The following PRSS12 variants were observed in gnomAD, a reference collection of about 807,000 sequenced individuals.
The protein encoded by PRSS12 is neurotrypsin.
In PRSS12, 85 loss-of-function variants were observed where a neutral mutation model predicts 104.4. The ratio of observed to expected loss-of-function variants is 0.81; its 90% CI spans 0.68 to 0.98. The LOEUF (loss-of-function observed/expected upper bound fraction) is 0.98, where lower values mean the gene tolerates loss of function less well. Among genes scored for constraint, PRSS12 ranks in the 50% least tolerant of loss-of-function variants. The pLI is 0.00. For missense variants in PRSS12, 1,141 were observed against 1,139.2 expected, an observed-to-expected ratio of 1.00 and a Z score of -0.02; for synonymous variants, 454 against 425.2, an observed-to-expected ratio of 1.07 and a Z score of -0.83.
intron 4 of PRSS12, among the ~76,000 whole-genome samples, chr4:118,324,560 G>A (rs566527637): frequency 1.6e-4 from 24 of 152,074 alleles, no homozygotes; most frequent in Non-Finnish European, 1.2e-4. Flanking sequence ...CAAAAGTTCT[G>A]GTTAATTGCC....
intron 11 of PRSS12, among the ~76,000 whole-genome samples, chr4:118,285,778 A>C (rs1369879595): frequency 6.6e-6 from 1 of 152,128 alleles, no homozygotes; most frequent in Non-Finnish European, 1.5e-5. Flanking sequence ...TAAATATATT[A>C]TTTAAAGTAC....
At chr4:118,331,931 A>T in intron 3 of PRSS12, 65 bp from the exon 4 acceptor site, 2 of 1,595,196 alleles carry the variant, frequency 1.3e-6, no homozygotes, top group Admixed American at 1.7e-5. Flanking sequence ...AAGATTAGGT[A>T]TATTCTATAT....
At position 118,352,409 on chromosome 4, in the gene PRSS12, G is replaced by A; in HGVS notation, c.312C>T (p.Asp104=). The A allele has an allele frequency of 6.5e-7, 1 of 1,537,302 alleles. No homozygotes were observed. The highest frequency in any genetic ancestry group is 8.7e-7 in the Non-Finnish European group (1 of 1,146,230). ...CCCACCGCAGACACGGGGCGCCGAAGTCCGTCACGCTGACCCATGGCTCGC... is the reference window on the plus strand; with the variant it reads ...CCCACCGCAGACACGGGGCGCCGAAATCCGTCACGCTGACCCATGGCTCGC... ...PAGEPWVSVT[D]FGAPCLRWAE... is the part of the protein sequence containing the mutation. The change falls in exon 1 of 13, where the codon GAC becomes GAT. Residue 104 remains aspartate, a synonymous_variant. Transcript: ENST00000296498.
intron 7 of PRSS12, among the ~76,000 whole-genome samples, chr4:118,309,117 T>C (rs1423910811): frequency 6.6e-6 from 1 of 151,352 alleles, no homozygotes; most frequent in East Asian, 1.9e-4. Context: ...AAAAAAGCAG[T>C]AAATAGGGAC....
intron 10 of PRSS12, among the ~76,000 whole-genome samples, chr4:118,295,574 C>T (rs1406857470): frequency 6.6e-6 from 1 of 152,154 alleles, no homozygotes; most frequent in African/African-American, 2.4e-5. Flanking sequence ...CATCTAATCT[C>T]TTAAATCAGG....
intron 11 of PRSS12, among the ~76,000 whole-genome samples, chr4:118,285,036 T>C (rs893917341): frequency 6.6e-6 from 1 of 152,160 alleles, no homozygotes; most frequent in African/African-American, 2.4e-5. Context: ...AATATTCTAA[T>C]CCTTAAGTAG....
chr4:118,335,610 C>T lies in PRSS12; in HGVS notation c.683G>A (p.Gly228Asp). 1 of 1,613,944 alleles carries T rather than the reference C, an allele frequency of 6.2e-7. No individual in the cohort carries two copies. The highest frequency in any genetic ancestry group is 8.5e-7 in the Non-Finnish European group (1 of 1,179,936). ...IAKQTPFSGL[G>D]LIPIYWSNVR... Reference sequence around the variant, plus strand: ...ATTGCTCCAATAAATGGGAATAAGGCCCAGTCCAGAAAACGGGGTTTGTTT... The same window carrying T: ...ATTGCTCCAATAAATGGGAATAAGGTCCAGTCCAGAAAACGGGGTTTGTTT... Residue 228 changes from glycine (G) to aspartate (D), a missense_variant, in exon 3 of 13, where the codon GGC becomes GAC. Coordinates refer to ENST00000296498, the MANE Select transcript of PRSS12 (RefSeq NM_003619.4).
chr4:118,333,646 C>A (rs541034093), intron 3 of PRSS12, among the ~76,000 whole-genome samples: 2 of 152,232 alleles, frequency 1.3e-5, no homozygotes, highest in South Asian at 4.2e-4. Context: ...TTTTTCCCCA[C>A]CTGTTAAGCT....
At chr4:118,324,139 A>C (rs537814841) in intron 4 of PRSS12, among the ~76,000 whole-genome samples, 1 of 152,028 alleles carries the variant, frequency 6.6e-6, no homozygotes, top group Admixed American at 6.6e-5. Flanking sequence ...AACTCAAGCA[A>C]TCTGCCCACC....
chr4:118,337,957 C>T (rs566575401), intron 2 of PRSS12, among the ~76,000 whole-genome samples: 1 of 152,242 alleles, frequency 6.6e-6, no homozygotes, highest in East Asian at 1.9e-4. Context: ...TGCCCATTTT[C>T]CTAGTTCAGC....
At chr4:118,338,740 T>A (rs868719389) in intron 1 of PRSS12, among the ~76,000 whole-genome samples, 1 of 152,182 alleles carries the variant, frequency 6.6e-6, no homozygotes, top group Non-Finnish European at 1.5e-5. Flanking sequence ...CATGAGGTCA[T>A]CAATAAGAAA....
intron 7 of PRSS12, among the ~76,000 whole-genome samples, chr4:118,310,046 T>C (rs1743666806): frequency 6.6e-6 from 1 of 152,208 alleles, no homozygotes; most frequent in African/African-American, 2.4e-5. Flanking sequence ...GCCAACTCTA[T>C]GTATGCACTG....
chr4:118,332,272 A>G (rs13101451), intron 3 of PRSS12, among the ~76,000 whole-genome samples: 11,497 of 152,272 alleles, frequency 0.076, 603 homozygotes, highest in Non-Finnish European at 0.11. Flanking sequence ...ACTTATGTCT[A>G]TAACATACTT....
At chr4:118,325,238 C>T (rs78400045) in intron 4 of PRSS12, among the ~76,000 whole-genome samples, 19 of 150,738 alleles carry the variant, frequency 1.3e-4, no homozygotes, top group Admixed American at 5.9e-4. Context: ...CAGGCTACTG[C>T]GGGATGAGAG....
intron 1 of PRSS12, among the ~76,000 whole-genome samples, chr4:118,349,921 T>C (rs1459627555): frequency 2.0e-5 from 3 of 152,110 alleles, no homozygotes; most frequent in African/African-American, 7.2e-5. Flanking sequence ...GAGAATCGCT[T>C]GAACCAGGGA....
intron 3 of PRSS12, among the ~76,000 whole-genome samples, chr4:118,334,122 A>C (rs1247405672): frequency 6.6e-6 from 1 of 152,196 alleles, no homozygotes; most frequent in Non-Finnish European, 1.5e-5. Flanking sequence ...CGCTGATTTC[A>C]GCTATACAAC....
intron 1 of PRSS12, among the ~76,000 whole-genome samples, chr4:118,346,267 T>C (rs1002296583): frequency 6.6e-6 from 1 of 152,096 alleles, no homozygotes; most frequent in Non-Finnish European, 1.5e-5. Context: ...AGCCTCCTTA[T>C]TGTTTCCGTT....
At chr4:118,329,549 T>C (rs1723865770) in intron 4 of PRSS12, among the ~76,000 whole-genome samples, 3 of 152,302 alleles carry the variant, frequency 2.0e-5, no homozygotes, top group South Asian at 4.1e-4. Flanking sequence ...TAGAAGTTCA[T>C]AGATACAGCT....
intron 11 of PRSS12, among the ~76,000 whole-genome samples, chr4:118,288,862 G>A (rs1309699165): frequency 1.3e-5 from 2 of 152,144 alleles, no homozygotes; most frequent in African/African-American, 4.8e-5. Context: ...TTGCCAACAG[G>A]CTACTGCATT....
Sources: allele counts gnomAD v4.1 joint callset (sites outside exome capture counted in the v4.1 genomes callset), GRCh38; gene constraint gnomAD v4.1.1; transcripts MANE v1.5; gene names NCBI Gene and HGNC (gene_info 2026-07-23, HGNC 2026-07-21).